The following ZNF276 variants were observed in gnomAD, a reference collection of about 807,000 sequenced individuals.
ZNF276 encodes centromere protein Z.
ZNF276 carries 59 observed loss-of-function variants against 63.9 expected under a neutral mutation model. The observed-to-expected ratio is 0.92, with a 90% CI of 0.75 to 1.15. The LOEUF (loss-of-function observed/expected upper bound fraction) is 1.15, where lower values mean the gene tolerates loss of function less well. Ranked by LOEUF, ZNF276 falls within the 50% of genes most tolerant of loss-of-function variation. ZNF276 has a pLI of 0.00. For synonymous variants in ZNF276, 496 were observed against 348.4 expected (o/e 1.42, Z -4.72); for missense variants, 1,084 against 843.8 (o/e 1.28, Z -3.53).
chr16:89,734,197 G>T (rs2061772889), intron 9 of ZNF276, among the ~76,000 whole-genome samples, 159 bp downstream of exon 9: 1 of 152,250 alleles, frequency 6.6e-6, no homozygotes, highest in Non-Finnish European at 1.5e-5. Context: ...ATGAAGGCTA[G>T]AGTAGGGCGT....
At chr16:89,731,192 C>G (rs2061637255) in intron 6 of ZNF276, among the ~76,000 whole-genome samples, 1 of 152,212 alleles carries the variant, frequency 6.6e-6, no homozygotes, top group Non-Finnish European at 1.5e-5. Context: ...GTCATGAAAA[C>G]CAGTTATTAG....
chr16:89,724,231 T>C (rs759643245), intron 4 of ZNF276, among the ~76,000 whole-genome samples: 2 of 152,202 alleles, frequency 1.3e-5, no homozygotes, highest in Non-Finnish European at 2.9e-5. Context: ...CATAGCACTG[T>C]GGGCTGGTGC....
Position 89,737,852 on chromosome 16 carries a change from G to A in ZNF276, c.1521G>A (p.Gln507=). 6.2e-7 allele frequency: 1 copy of A among 1,614,186 alleles called. No homozygotes were observed. Among genetic ancestry groups the A allele is most frequent in the Admixed American group, 1.7e-5 (1 of 60,020 alleles). ...ICDECGQTFK[Q]RKHLLVHQMR... Reference sequence around the variant, plus strand: ...ACGAATGTGGACAAACCTTCAAGCAGCGGAAGCACCTTCTCGTCCACCAAA... The same window carrying A: ...ACGAATGTGGACAAACCTTCAAGCAACGGAAGCACCTTCTCGTCCACCAAA... Residue 507 remains glutamine (Q), a synonymous_variant, in exon 10 of 11, where the codon CAG becomes CAA. Coordinates refer to ENST00000443381, the MANE Select transcript of ZNF276 (RefSeq NM_001113525.2).
In ZNF276 at chr16:89,740,491, C is replaced by A; in HGVS notation, c.*2245C>A. The A allele has an allele frequency of 2.1e-6, 1 of 470,532 alleles. No homozygotes were observed. The highest frequency in any genetic ancestry group is 3.8e-6 in the Non-Finnish European group (1 of 260,724). The allele number at this position is 470,532 out of a possible 1,614,324, so 29.1% of individuals were successfully genotyped here. The stretch of plus-strand genomic sequence containing the variant: ...CTCTACTAAAAATACAAAAATTAGC[C>A]GGGTGTGACAGACTCACGCCTGTAA... On this transcript the variant is annotated 3_prime_UTR_variant, in exon 11 of 11. Coordinates refer to ENST00000443381, the MANE Select transcript of ZNF276 (RefSeq NM_001113525.2).
upstream of ZNF276, chr16:89,720,779 G>T: frequency 6.9e-7 from 1 of 1,455,914 alleles, no homozygotes; most frequent in African/African-American, 1.5e-5. Flanking sequence ...CCGGTTGCCG[G>T]TGTCCAGCTC....
chr16:89,727,152 G>C (rs1597982841), intron 4 of ZNF276, 127 bp from the exon 5 acceptor site: 1 of 983,294 alleles, frequency 1.0e-6, no homozygotes, highest in East Asian at 2.4e-5. Context: ...GGCCATGGTG[G>C]GGAGAACTTG....
chr16:89,728,221 T>TC (rs1371189865), intron 5 of ZNF276, among the ~76,000 whole-genome samples: 2 of 143,666 alleles, frequency 1.4e-5, no homozygotes, highest in African/African-American at 2.5e-5. Context: ...TTTTTTTTTT[T>TC]CCTTTTGTGA....
chr16:89,727,428 T>C (rs544230517), intron 5 of ZNF276, 71 bp downstream of exon 5: 1 of 1,545,726 alleles, frequency 6.5e-7, no homozygotes, highest in South Asian at 1.2e-5. Context: ...TTCTGAGGGG[T>C]GAGAGAAGAG....
chr16:89,722,821 A>C lies in ZNF276; in HGVS notation c.496A>C (p.Lys166Gln). The C allele has an allele frequency of 6.2e-7, 1 of 1,602,798 alleles. No homozygotes were observed. The highest frequency in any genetic ancestry group is 1.6e-4 in the Middle Eastern group (1 of 6,062). The change falls in exon 2 of 11, where the codon AAG becomes CAG. Residue 166 changes from lysine to glutamine, a missense_variant. Transcript: ENST00000443381. ...RVNASPAGRR[K>Q]PCAKVGAQPP... ...CAACGCCTCCCCGGCTGGTCGCCGGAAGCCTTGTGCAAAGTACGCCCTAGT... is the reference window on the plus strand; with the variant it reads ...CAACGCCTCCCCGGCTGGTCGCCGGCAGCCTTGTGCAAAGTACGCCCTAGT...
intron 4 of ZNF276, among the ~76,000 whole-genome samples, chr16:89,724,615 C>A (rs1256150200): frequency 6.6e-6 from 1 of 152,188 alleles, no homozygotes; most frequent in East Asian, 1.9e-4. Flanking sequence ...CAACCGTACT[C>A]CAGCCTGGGT....
chr16:89,723,240 T>C lies in ZNF276; in HGVS notation c.557-20T>C, dbSNP rs1242502995. 2.5e-6 allele frequency: 4 copies of C among 1,613,228 alleles called. No homozygotes were observed. The highest frequency in any genetic ancestry group is 3.4e-6 in the Non-Finnish European group (4 of 1,180,004). On this transcript the variant is annotated intron_variant, in intron 3 of 10. Transcript: ENST00000443381. ...GTGCCGACCAGCCGTGGATCTGACA[T>C]CTCTGTTGACTCTCTGCAGTGGATC...
chr16:89,740,797 G>C lies in ZNF276; in HGVS notation c.*2551G>C, dbSNP rs1443117288. ...GAGGACACCTTGGCTGGTAAGGTCT[G>C]ACTTACATTTGAGGTCAGATGTGAC... On this transcript the variant is annotated 3_prime_UTR_variant, in exon 11 of 11. Coordinates refer to ENST00000443381, the MANE Select transcript of ZNF276 (RefSeq NM_001113525.2). 2 of 1,613,020 alleles carry C rather than the reference G, an allele frequency of 1.2e-6. No homozygotes were observed. The highest frequency in any genetic ancestry group is 2.2e-5 in the East Asian group (1 of 44,850).
At chr16:89,721,193 C>CT, upstream of ZNF276, 1 of 235,758 alleles carries the variant, frequency 4.2e-6, no homozygotes, top group Non-Finnish European at 8.2e-6. Flanking sequence ...CCCGGCCCCC[C>CT]TCCCCTTTCT....
chr16:89,739,761 G>T lies in ZNF276; in HGVS notation c.*1515G>T. On this transcript the variant is annotated 3_prime_UTR_variant, in exon 11 of 11. Coordinates refer to ENST00000443381, the MANE Select transcript of ZNF276 (RefSeq NM_001113525.2). ...CGACCTCTTGCAGGAGGGTGGGTGT[G>T]GTGCAGAGAGAGGCAGTCCCCATGA... 1 of 1,480,146 alleles carries T rather than the reference G, an allele frequency of 6.8e-7. No individual in the cohort carries two copies. The highest frequency in any genetic ancestry group is 8.9e-7 in the Non-Finnish European group (1 of 1,118,780). 91.7% of individuals were successfully genotyped at this position (1,480,146 alleles called of 1,614,324 possible). A position where few individuals can be genotyped will look rare whatever the true frequency, so the allele number is the denominator to read the frequency against.
Position 89,722,917 on chromosome 16 carries a change from C to A in ZNF276, c.509+83C>A, listed in dbSNP as rs941913667. The stretch of plus-strand genomic sequence containing the variant: ...GTTGAGAGAGGGACAGGGCGTGCCT[C>A]CGCGGGAGCCTCTGGGTGGGGGGAA... On this transcript the variant is annotated intron_variant, in intron 2 of 10. Transcript: ENST00000443381. 8 of 1,557,986 alleles carry A rather than the reference C, an allele frequency of 5.1e-6. No homozygotes were observed. The East Asian group carries it at 1.3e-4, about 26-fold the overall frequency.
Position 89,737,921 on chromosome 16 carries a change from G to T in ZNF276, c.1574+16G>T, listed in dbSNP as rs1567588409. On this transcript the variant is annotated intron_variant, in intron 10 of 10. Transcript: ENST00000443381. ...AGCCTTTGCAGTAAGTGTGAGTCAG[G>T]ACCCCCTCCCAGGGCTGTGGCCCTC... 6.4e-7 allele frequency: 1 copy of T among 1,571,352 alleles called. No individual in the cohort carries two copies. The highest frequency in any genetic ancestry group is 2.5e-5 in the East Asian group (1 of 39,940).
Position 89,732,696 on chromosome 16 carries a change from C to G in ZNF276, c.1170-606C>G, listed in dbSNP as rs115461039. On this transcript the variant is annotated intron_variant, in intron 6 of 10. Coordinates refer to ENST00000443381, the MANE Select transcript of ZNF276 (RefSeq NM_001113525.2). ...CGCCCTCTGCTGTGCTCACCCGACC[C>G]TGCTGTACCCTGCGCCCTCGTCCTC... 1,314 of 210,818 alleles carry G rather than the reference C, an allele frequency of 6.2e-3. 25 individuals carry two copies. The highest frequency in any genetic ancestry group is 0.03 in the African/African-American group (1,251 of 41,638). 13.1% of individuals were successfully genotyped at this position (210,818 alleles called of 1,614,324 possible). A position where few individuals can be genotyped will look rare whatever the true frequency, so the allele number is the denominator to read the frequency against.
rs752404200 is a variant in ZNF276 at position 89,723,504 on chromosome 16, G to A, written c.801G>A (p.Thr267=). The A allele has an allele frequency of 1.1e-5, 18 of 1,612,904 alleles. No individual in the cohort carries two copies. In the South Asian group the frequency reaches 1.6e-4, roughly 15 times the overall value. Residue 267 remains threonine, a synonymous_variant, in exon 4 of 11, where the codon ACG becomes ACA. Coordinates refer to ENST00000443381, the MANE Select transcript of ZNF276 (RefSeq NM_001113525.2). ...TCAAGTGGCCATGGGACAAAGAGAC[G>A]GCGCCACGGCTGCCCCAGCACCGAG... The part of the protein sequence containing the change: ...LAVKWPWDKE[T]APRLPQHRGW...
intron 4 of ZNF276, among the ~76,000 whole-genome samples, chr16:89,725,987 G>A (rs2061458360): frequency 6.6e-6 from 1 of 151,770 alleles, no homozygotes; most frequent in Non-Finnish European, 1.5e-5. Flanking sequence ...ATGGAGTCTC[G>A]CTCTGTCGCC....
Sources: gnomAD v4.1 joint callset for allele counts (sites outside exome capture counted in the v4.1 genomes callset) on GRCh38, gnomAD v4.1.1 for gene constraint, MANE v1.5 for transcripts, NCBI Gene and HGNC (gene_info 2026-07-23, HGNC 2026-07-21) for gene names.